Variants in ASTN2 observed in about 807,000 individuals in gnomAD.
ASTN2 encodes the protein astrotactin-2.
A neutral mutation model predicts 139.8 loss-of-function variants in ASTN2; 54 were observed. That is an observed-to-expected ratio of 0.39 (90% CI 0.31 to 0.48). The LOEUF (loss-of-function observed/expected upper bound fraction) is 0.48. ASTN2 is among the 20% of genes least tolerant of loss of function. The probability of loss-of-function intolerance (pLI) is 0.95; values close to 1 mark genes in which losing one functional copy is unlikely to be tolerated. For synonymous variants in ASTN2, 756 were observed against 719.5 expected (o/e 1.05, Z -0.81); for missense variants, 1,565 against 1,725.1 (o/e 0.91, Z 1.64).
intron 15 of ASTN2, among the ~76,000 whole-genome samples, chr9:116,727,415 A>AC (rs1361341667): frequency 6.6e-6 from 1 of 152,222 alleles, no homozygotes; most frequent in African/African-American, 2.4e-5. Flanking sequence ...CATTTGATTG[A>AC]CAAAAGGGTT....
intron 3 of ASTN2, among the ~76,000 whole-genome samples, chr9:117,197,950 T>C (rs1415156295): frequency 1.3e-5 from 2 of 152,142 alleles, no homozygotes; most frequent in Non-Finnish European, 2.9e-5. Context: ...CTAATTTTCT[T>C]CTTTGAAGGT....
chr9:116,510,729 G>T (rs1186129007), intron 19 of ASTN2, among the ~76,000 whole-genome samples: 2 of 152,172 alleles, frequency 1.3e-5, no homozygotes, highest in African/African-American at 4.8e-5. Context: ...TCCCTTGTAA[G>T]TTGGATTCCT....
intron 1 of ASTN2, among the ~76,000 whole-genome samples, chr9:117,317,122 T>C (rs1828168553): frequency 6.6e-6 from 1 of 152,178 alleles, no homozygotes; most frequent in South Asian, 2.1e-4. Flanking sequence ...TCTCTGTGTA[T>C]GTCTCTCTCT....
chr9:117,365,948 G>T (rs1408678422), intron 1 of ASTN2, among the ~76,000 whole-genome samples: 1 of 152,192 alleles, frequency 6.6e-6, no homozygotes, highest in Non-Finnish European at 1.5e-5. Context: ...CACCATTGCA[G>T]AATGTGACAA....
rs776918693 is a variant in ASTN2, at chr9:116,698,598, G to A, written c.2806+27173C>T. On this transcript the variant is annotated intron_variant, in intron 16 of 22. Coordinates refer to ENST00000313400, the MANE Select transcript of ASTN2 (RefSeq NM_001365068.1). This position sits in a 1 kb window ranked among gnomAD's most constrained non-coding sequence, Gnocchi z 4.4. ...TGTGGAGCTCCTTAAGGTAGGTCAT[G>A]TTGGCCCCCTCCAAATTGGACAAGC... 6.2e-7 allele frequency: 1 copy of A among 1,614,090 alleles called. No homozygotes were observed. The highest frequency in any genetic ancestry group is 1.7e-5 in the Admixed American group (1 of 60,018).
chr9:117,139,060 G>A (rs993468215), intron 4 of ASTN2, among the ~76,000 whole-genome samples: 1 of 152,122 alleles, frequency 6.6e-6, no homozygotes, highest in Non-Finnish European at 1.5e-5. Context: ...AGGGAGGAAA[G>A]GCTATAGACT....
chr9:116,433,802 C>G (rs963407810), intron 22 of ASTN2, among the ~76,000 whole-genome samples: 4 of 152,132 alleles, frequency 2.6e-5, no homozygotes, highest in African/African-American at 4.8e-5. Flanking sequence ...TGGTTATATA[C>G]CTTTAACACC....
chr9:116,478,885 AG>A (rs1849077379), intron 20 of ASTN2, among the ~76,000 whole-genome samples: 1 of 149,770 alleles, frequency 6.7e-6, no homozygotes, highest in Admixed American at 6.7e-5. Context: ...CCAGCTACTC[AG>A]GGGGCTGAAG....
intron 2 of ASTN2, among the ~76,000 whole-genome samples, chr9:117,233,093 G>A (rs2133060222): frequency 6.6e-6 from 1 of 152,214 alleles, no homozygotes; most frequent in East Asian, 1.9e-4. Context: ...CGTTCTTCCA[G>A]TTTCAATCTC....
chr9:117,327,346 C>T (rs956637605), intron 1 of ASTN2, among the ~76,000 whole-genome samples: 2 of 152,156 alleles, frequency 1.3e-5, no homozygotes, highest in African/African-American at 4.8e-5. Context: ...CCATGACAAC[C>T]TACAGCAGCA....
chr9:116,979,584 T>C lies in ASTN2; in HGVS notation c.1592-2799A>G, dbSNP rs186166914. On this transcript the variant is annotated intron_variant, in intron 7 of 22. Transcript: ENST00000313400. ...TCCCTTCATGAAATATTCACCACTT[T>C]AAACACGTCTAATATTAAAGATTAA... Among the ~76,000 whole-genome samples the C allele has an allele frequency of 1.6e-3, 237 of 152,250 alleles. 2 individuals are homozygous for C. The Middle Eastern group carries it at 0.055, about 35-fold the overall frequency.
In ASTN2 at chr9:116,843,363, T is replaced by C. The variant is rs375044631; in HGVS notation, c.2040+20220A>G. 3.9e-5 allele frequency among the ~76,000 whole-genome samples: 6 copies of C among 152,232 alleles called. No individual in the cohort carries two copies. The East Asian group carries it at 9.7e-4, about 25-fold the overall frequency. ...ACTAAATACCGCATGTTCTCACTTA[T>C]AAGTGGGAGCTAGGACGGGCGTGGT... On this transcript the variant is annotated intron_variant, in intron 11 of 22. Transcript: ENST00000313400.
intron 1 of ASTN2, among the ~76,000 whole-genome samples, chr9:117,309,275 T>A (rs1286277445): frequency 1.3e-5 from 2 of 152,208 alleles, no homozygotes; most frequent in African/African-American, 2.4e-5. Context: ...ACTGGCTGCA[T>A]CTACTACTTA....
At chr9:116,605,564 T>C (rs1025711208) in intron 19 of ASTN2, among the ~76,000 whole-genome samples, 1 of 152,256 alleles carries the variant, frequency 6.6e-6, no homozygotes, top group South Asian at 2.1e-4. Context: ...TCCTCACTCT[T>C]CTGATCCTTA....
chr9:117,289,370 A>AGTT (rs1834529235), intron 2 of ASTN2, among the ~76,000 whole-genome samples: 1 of 152,122 alleles, frequency 6.6e-6, no homozygotes, highest in Non-Finnish European at 1.5e-5. Flanking sequence ...GGTCTTAGTG[A>AGTT]GTTATTATTT....
At chr9:116,968,122 T>C (rs1833395198) in intron 10 of ASTN2, among the ~76,000 whole-genome samples, 1 of 152,144 alleles carries the variant, frequency 6.6e-6, no homozygotes, top group Admixed American at 6.5e-5. Flanking sequence ...CACACAAATC[T>C]CCAACTTCCT....
chr9:117,000,344 C>T (rs73517441), intron 7 of ASTN2, among the ~76,000 whole-genome samples: 20,394 of 152,112 alleles, frequency 0.13, 1,609 homozygotes, highest in African/African-American at 0.21. Flanking sequence ...GGAAGATATC[C>T]CAATTCTACT....
At chr9:116,487,574 C>T in intron 19 of ASTN2, 74 bp from the exon 20 acceptor site, 1 of 1,426,700 alleles carries the variant, frequency 7.0e-7, no homozygotes, top group South Asian at 1.4e-5. Context: ...GTCATCCAAA[C>T]CTATCAAATG....
At chr9:116,642,197 A>T (rs1588130835) in intron 17 of ASTN2, among the ~76,000 whole-genome samples, 1 of 151,238 alleles carries the variant, frequency 6.6e-6, no homozygotes, top group East Asian at 1.9e-4. Context: ...ATTTTAAACA[A>T]ACACTTCCCC....
Sources: allele counts gnomAD v4.1 joint callset (sites outside exome capture counted in the v4.1 genomes callset), GRCh38; gene constraint gnomAD v4.1.1; non-coding constraint Gnocchi (gnomAD v3.1); transcripts MANE v1.5; gene names NCBI Gene and HGNC (gene_info 2026-07-23, HGNC 2026-07-21).